Variants in MAN1C1 observed in about 807,000 individuals in gnomAD.
The protein encoded by MAN1C1 is mannosyl-oligosaccharide 1,2-alpha-mannosidase IC.
Under a neutral mutation model 71.5 loss-of-function variants are expected in MAN1C1, and 49 were observed. That is an observed-to-expected ratio of 0.69 (90% CI 0.54 to 0.87). The LOEUF (loss-of-function observed/expected upper bound fraction) is 0.87, where lower values mean the gene tolerates loss of function less well. MAN1C1 is among the 40% of genes least tolerant of loss of function. The pLI is 0.00. For synonymous variants in MAN1C1, 352 were observed against 343.7 expected (o/e 1.02, Z -0.27); for missense variants, 743 against 835.0 (o/e 0.89, Z 1.36).
Position 25,753,367 on chromosome 1 carries a change from C to T in MAN1C1, c.835-117C>T. On this transcript the variant is annotated intron_variant, in intron 4 of 11. Coordinates refer to ENST00000374332, the MANE Select transcript of MAN1C1 (RefSeq NM_020379.4). The surrounding 1 kb of genome is among the most constrained non-coding windows in gnomAD (Gnocchi z 4.9). Reference sequence around the variant, plus strand: ...AGAACCGGGCTGGTGGACTGCAGCACTGCCCCCTACTCTAGACCTGCAGCC... The same window carrying T: ...AGAACCGGGCTGGTGGACTGCAGCATTGCCCCCTACTCTAGACCTGCAGCC... The T allele has an allele frequency of 1.6e-6, 1 of 641,358 alleles. No homozygotes were observed. The highest frequency in any genetic ancestry group is 2.6e-6 in the Non-Finnish European group (1 of 380,892). The allele number at this position is 641,358 out of a possible 1,614,324, so 39.7% of individuals were successfully genotyped here. A position where few individuals can be genotyped will look rare whatever the true frequency, so the allele number is the denominator to read the frequency against.
intron 1 of MAN1C1, among the ~76,000 whole-genome samples, chr1:25,650,972 TATTC>T (rs1308639640): frequency 6.6e-6 from 1 of 152,164 alleles, no homozygotes; most frequent in Non-Finnish European, 1.5e-5. Flanking sequence ...TTTTTTTACT[TATTC>T]ATTCAGTAAG....
rs2046893806 is a variant in MAN1C1, at chr1:25,730,467, G to A, written c.638-16201G>A. Among the ~76,000 whole-genome samples, 1 of 151,902 alleles carries A rather than the reference G, an allele frequency of 6.6e-6. No homozygotes were observed. Among genetic ancestry groups the A allele is most frequent in the Non-Finnish European group, 1.5e-5 (1 of 67,990 alleles). On this transcript the variant is annotated intron_variant, in intron 2 of 11. Coordinates refer to ENST00000374332, the MANE Select transcript of MAN1C1 (RefSeq NM_020379.4). The surrounding 1 kb of genome is among the most constrained non-coding windows in gnomAD (Gnocchi z 4.3). ...CCTTAGCTGAGAATGACAAATACTAGGGGCTTTAATTGTTCAGTCACATGA... is the reference window on the plus strand; with the variant it reads ...CCTTAGCTGAGAATGACAAATACTAAGGGCTTTAATTGTTCAGTCACATGA...
intron 7 of MAN1C1, among the ~76,000 whole-genome samples, chr1:25,768,229 A>G (rs1277140053): frequency 1.4e-5 from 1 of 71,234 alleles, no homozygotes; most frequent in Non-Finnish European, 2.7e-5. Context: ...CACATTACAC[A>G]CACTCCCCTC....
At chr1:25,659,571 T>TA (rs1005388274) in intron 1 of MAN1C1, among the ~76,000 whole-genome samples, 24 of 152,180 alleles carry the variant, frequency 1.6e-4, no homozygotes, top group African/African-American at 5.8e-4. Flanking sequence ...TGATAAAAGT[T>TA]ACATGTTGTA....
At chr1:25,717,408 G>T (rs911484685) in intron 2 of MAN1C1, among the ~76,000 whole-genome samples, 3 of 152,010 alleles carry the variant, frequency 2.0e-5, no homozygotes, top group African/African-American at 7.3e-5. Context: ...TGTAGCCCCA[G>T]CTACTCAGTA....
chr1:25,743,817 C>G (rs2047092845), intron 2 of MAN1C1, among the ~76,000 whole-genome samples: 1 of 152,210 alleles, frequency 6.6e-6, no homozygotes. Context: ...CTGCGGCTGC[C>G]TCTCCCCTGG....
chr1:25,644,938 C>T (rs1045464073), intron 1 of MAN1C1: 3 of 152,080 alleles, frequency 2.0e-5, no homozygotes, highest in Admixed American at 6.6e-5. Context: ...TTTGGGAACA[C>T]CAGTGTTTTA....
chr1:25,703,195 G>A (rs2046470211), intron 2 of MAN1C1, among the ~76,000 whole-genome samples: 1 of 152,164 alleles, frequency 6.6e-6, no homozygotes, highest in Non-Finnish European at 1.5e-5. Flanking sequence ...ATTAGCTCAG[G>A]TGGTGTTTTA....
intron 2 of MAN1C1, among the ~76,000 whole-genome samples, chr1:25,733,806 T>G (rs1336110443): frequency 6.6e-6 from 1 of 151,436 alleles, no homozygotes; most frequent in Non-Finnish European, 1.5e-5. Context: ...ATTTTTATTT[T>G]TATTTTTTTT....
Position 25,767,727 on chromosome 1 carries a change from TCA to T in MAN1C1, c.1141+3769_1141+3770del, listed in dbSNP as rs1217731098. 3.1e-4 allele frequency among the ~76,000 whole-genome samples: 20 copies of T among 63,586 alleles called. No homozygotes were observed. In the East Asian group the frequency reaches 5.4e-3, roughly 17 times the overall value. The allele number at this position is 63,586 out of a possible 152,430, so 41.7% of individuals were successfully genotyped here. A position where few individuals can be genotyped will look rare whatever the true frequency, so the allele number is the denominator to read the frequency against. On this transcript the variant is annotated intron_variant, in intron 7 of 11. Coordinates refer to ENST00000374332, the MANE Select transcript of MAN1C1 (RefSeq NM_020379.4). ...CTCACACATACATTACACACTCCCC[TCA>T]CACACACAGACCCACACACCCACAC...
At chr1:25,727,629 G>A (rs2046850130) in intron 2 of MAN1C1, among the ~76,000 whole-genome samples, 2 of 152,234 alleles carry the variant, frequency 1.3e-5, no homozygotes, top group Admixed American at 1.3e-4. Flanking sequence ...GAAAGTCACT[G>A]AGGCCAGAGA....
chr1:25,662,825 G>A (rs1317353615), intron 1 of MAN1C1, among the ~76,000 whole-genome samples: 1 of 152,174 alleles, frequency 6.6e-6, no homozygotes, highest in Non-Finnish European at 1.5e-5. Context: ...ACTTTGGGAG[G>A]CCAAGGCGGG....
chr1:25,768,695 AACAC>A (rs1233174695), intron 7 of MAN1C1, among the ~76,000 whole-genome samples: 2 of 108,450 alleles, frequency 1.8e-5, no homozygotes, highest in African/African-American at 7.4e-5. Flanking sequence ...ACGCTCCCTT[AACAC>A]ACACACACTA....
At chr1:25,640,739 G>A (rs2045525103) in intron 1 of MAN1C1, among the ~76,000 whole-genome samples, 1 of 152,100 alleles carries the variant, frequency 6.6e-6, no homozygotes, top group African/African-American at 2.4e-5. Flanking sequence ...ATTAAGTGAG[G>A]GGTAGAGACC....
At chr1:25,780,196 A>G (rs964668074) in intron 9 of MAN1C1, among the ~76,000 whole-genome samples, 1 of 152,226 alleles carries the variant, frequency 6.6e-6, no homozygotes, top group Admixed American at 6.5e-5. Context: ...ATAGTGTATT[A>G]AAGCACCCAG....
At chr1:25,686,828 ATGGAGATTTGTTTCCG>A (rs2046238253) in intron 2 of MAN1C1, among the ~76,000 whole-genome samples, 1 of 152,192 alleles carries the variant, frequency 6.6e-6, no homozygotes, top group African/African-American at 2.4e-5. Context: ...ATAGTGAAGG[ATGGAGATTTGTTTCCG>A]TGGAGGTTTG....
chr1:25,700,317 A>G (rs2046424336), intron 2 of MAN1C1, among the ~76,000 whole-genome samples: 1 of 152,224 alleles, frequency 6.6e-6, no homozygotes, highest in Admixed American at 6.5e-5. Flanking sequence ...TCTAGCACGC[A>G]GGGCATGGCT....
At chr1:25,695,647 T>C (rs1420529345) in intron 2 of MAN1C1, among the ~76,000 whole-genome samples, 1 of 151,972 alleles carries the variant, frequency 6.6e-6, no homozygotes. Context: ...CTTCAAAGAG[T>C]TTTTGCCAAG....
chr1:25,736,724 G>T (rs2046987838), intron 2 of MAN1C1, among the ~76,000 whole-genome samples: 1 of 152,066 alleles, frequency 6.6e-6, no homozygotes, highest in Admixed American at 6.5e-5. Flanking sequence ...ACAGGGTTTT[G>T]CCATGTCGCC....
Sources: gnomAD v4.1 joint callset for allele counts (sites outside exome capture counted in the v4.1 genomes callset) on GRCh38, gnomAD v4.1.1 for gene constraint, Gnocchi (gnomAD v3.1) non-coding constraint, MANE v1.5 for transcripts, NCBI Gene and HGNC (gene_info 2026-07-23, HGNC 2026-07-21) for gene names.